ATP1B4: variants seen among roughly 807,000 people sequenced by gnomAD.
ATP1B4 encodes ATPase Na+/K+ transporting family member beta 4.
ATP1B4 carries 32 observed loss-of-function variants against 29.6 expected under a neutral mutation model. The observed-to-expected ratio is 1.08, with a 90% confidence interval of 0.82 to 1.45. The LOEUF is 1.45. Ranked by LOEUF, ATP1B4 falls within the 40% of genes most tolerant of loss-of-function variation. The pLI, the probability that ATP1B4 is intolerant of heterozygous loss-of-function variation, is 0.00. For missense variants in ATP1B4, 323 were observed against 276.2 expected (o/e 1.17, Z -1.20); for synonymous variants, 127 against 102.1 (o/e 1.24, Z -1.47).
At chrX:120,374,119 C>G (rs2058328058) in intron 4 of ATP1B4, among the ~76,000 whole-genome samples, 1 of 111,184 alleles carries the variant, frequency 9.0e-6, no homozygotes, top group Non-Finnish European at 1.9e-5. Context: ...CCACACCCAG[C>G]CAGCTGTGCG....
At chrX:120,374,766 A>ATACCCT (rs1556039756) in intron 4 of ATP1B4, among the ~76,000 whole-genome samples, 2 of 22,674 alleles carry the variant, frequency 8.8e-5, no homozygotes, top group Non-Finnish European at 1.2e-4. Context: ...TATATATTAT[A>ATACCCT]TATATATAAT....
At chrX:120,371,081 A>C in intron 3 of ATP1B4, 25 bp from the exon 4 acceptor site, 1 of 1,171,014 alleles carries the variant, frequency 8.5e-7, no homozygotes, top group Non-Finnish European at 1.2e-6. Context: ...GGGTTAATAT[A>C]TCCAAGACCT....
chrX:120,377,973 G>T (rs182413188), intron 6 of ATP1B4, among the ~76,000 whole-genome samples: 1 of 111,964 alleles, frequency 8.9e-6, no homozygotes, highest in African/African-American at 3.2e-5. Flanking sequence ...AGGGCAAGCC[G>T]AATGTATCAC....
chrX:120,366,681 C>A lies in ATP1B4; in HGVS notation c.220C>A (p.Gln74Lys). Reference sequence around the variant, plus strand: ...GGAGGAAAAGGAGGAGGAAGAGGGTCAAGGTCAGCCAACAGGCAATGCCTG... The same window carrying A: ...GGAGGAAAAGGAGGAGGAAGAGGGTAAAGGTCAGCCAACAGGCAATGCCTG... ...EEEEKEEEEG[Q>K]GQPTGNAWWQ... Residue 74 changes from glutamine (Q) to lysine (K), a missense_variant, in exon 2 of 8, where the codon CAA becomes AAA. Physicochemically the swap from Gln to Lys is moderately conservative, Grantham distance 53 (BLOSUM62 1). Transcript: ENST00000218008. 1 of 1,210,721 alleles carries A rather than the reference C, an allele frequency of 8.3e-7. No individual in the cohort carries two copies. Among genetic ancestry groups the A allele is most frequent in the Non-Finnish European group, 1.1e-6 (1 of 895,157 alleles).
chrX:120,363,162 T>C (rs1352530925), intron 1 of ATP1B4, among the ~76,000 whole-genome samples: 1 of 112,320 alleles, frequency 8.9e-6, no homozygotes, highest in Non-Finnish European at 1.9e-5. Context: ...AAGCCATTTT[T>C]CTTTGGGTAT....
chrX:120,364,071 G>A (rs1011619268), intron 1 of ATP1B4, among the ~76,000 whole-genome samples: 1 of 110,116 alleles, frequency 9.1e-6, no homozygotes, highest in Non-Finnish European at 1.9e-5. Flanking sequence ...AATTAGCCGT[G>A]AGAAGATTAA....
intron 4 of ATP1B4, 103 bp downstream of exon 4, chrX:120,371,313 C>T (rs2058312322): frequency 6.6e-6 from 4 of 604,920 alleles, no homozygotes; most frequent in Non-Finnish European, 1.1e-5. Context: ...TCTTACTAAC[C>T]CCAACTCATC....
rs376105273 is a variant in ATP1B4 at position 120,375,594 on chromosome X, G to T, written c.759+26G>T. The T allele has an allele frequency of 1.1e-4, 133 of 1,157,850 alleles. 1 individual carries two copies. The highest frequency in any genetic ancestry group is 1.4e-4 in the Non-Finnish European group (117 of 856,312). On this transcript the variant is annotated intron_variant, in intron 5 of 7. Coordinates refer to ENST00000218008, the MANE Select transcript of ATP1B4 (RefSeq NM_001142447.3). ...GTATATTGGCTTTTCATATCTGGTG[G>T]TGATAAGCGAATGAACTAGATAGGA... is the stretch of plus-strand genomic sequence containing the variant.
intron 2 of ATP1B4, among the ~76,000 whole-genome samples, chrX:120,367,995 G>C (rs1044354941): frequency 8.9e-6 from 1 of 111,845 alleles, no homozygotes; most frequent in Non-Finnish European, 1.9e-5. Context: ...GTGCACAGCT[G>C]TTTCTCCCTT....
At position 120,382,300 on chromosome X, in the gene ATP1B4, A is replaced by G. The variant is rs1293754886; in HGVS notation, c.*2666A>G. 2 of 112,059 alleles carry G rather than the reference A, an allele frequency of 1.8e-5. No individual in the cohort carries two copies. Among genetic ancestry groups the G allele is most frequent in the East Asian group, 5.5e-4 (2 of 3,615 alleles). 9.2% of individuals were successfully genotyped at this position (112,059 alleles called of 1,213,427 possible). On this transcript the variant is annotated 3_prime_UTR_variant, in exon 8 of 8. Transcript: ENST00000218008. ...CTTCTATAGTAGGTTAATGGAAAAT[A>G]CAAAAACAAACAAACATACAATGAA...
At chrX:120,378,606 C>G in intron 6 of ATP1B4, 72 bp from the exon 7 acceptor site, 7 of 890,672 alleles carry the variant, frequency 7.9e-6, no homozygotes, top group Non-Finnish European at 1.2e-5. Flanking sequence ...CACCTGGGTA[C>G]AACTCCCTTT....
At chrX:120,375,829 G>A (rs1178005231) in intron 5 of ATP1B4, among the ~76,000 whole-genome samples, 1 of 109,994 alleles carries the variant, frequency 9.1e-6, no homozygotes, top group Non-Finnish European at 1.9e-5. Flanking sequence ...CTAGTCAAGT[G>A]CAGTGGCTCG....
chrX:120,370,893 A>G (rs2058309895), intron 3 of ATP1B4, 50 bp downstream of exon 3: 1 of 1,179,366 alleles, frequency 8.5e-7, no homozygotes, highest in Admixed American at 2.3e-5. Context: ...GGACAGAAAT[A>G]TGCTTGCACA....
chrX:120,379,306 C>T (rs1326270146), intron 7 of ATP1B4, among the ~76,000 whole-genome samples, 167 bp from the exon 8 acceptor site: 3 of 111,907 alleles, frequency 2.7e-5, no homozygotes, highest in Non-Finnish European at 5.6e-5. Flanking sequence ...TTTTCCCACA[C>T]TTTCCCACTG....
chrX:120,378,614 T>G lies in ATP1B4; in HGVS notation c.817-64T>G, dbSNP rs2058367610. On this transcript the variant is annotated intron_variant, in intron 6 of 7. Coordinates refer to ENST00000218008, the MANE Select transcript of ATP1B4 (RefSeq NM_001142447.3). ...GTGATTTCACCTGGGTACAACTCCC[T>G]TTAGCTCAGACTCTAGCCCACTCTG... The G allele has an allele frequency of 3.1e-6, 3 of 957,218 alleles. No individual in the cohort carries two copies. The South Asian group carries it at 5.9e-5, about 19-fold the overall frequency. The allele number at this position is 957,218 out of a possible 1,213,427, so 78.9% of individuals were successfully genotyped here.
rs2147260103 is a variant in ATP1B4 at position 120,382,980 on chromosome X, C to T, written c.*3346C>T. ...AATAGTTCCCCATACCGTGCTGCAT[C>T]AGGATTTGATTTGTATGCCATCTGT... On this transcript the variant is annotated 3_prime_UTR_variant, in exon 8 of 8. Coordinates refer to ENST00000218008, the MANE Select transcript of ATP1B4 (RefSeq NM_001142447.3). 8.9e-6 allele frequency: 1 copy of T among 112,112 alleles called. No individual in the cohort carries two copies. The highest frequency in any genetic ancestry group is 1.9e-5 in the Non-Finnish European group (1 of 53,167). 9.2% of individuals were successfully genotyped at this position (112,112 alleles called of 1,213,427 possible). A position where few individuals can be genotyped will look rare whatever the true frequency, so the allele number is the denominator to read the frequency against.
Position 120,379,850 on chromosome X carries a change from T to A in ATP1B4, c.*216T>A. ...GTCTCCTGATGACAAACAGAGTATA[T>A]TAATTTCCTTTCCCTCCACTTAAAA... On this transcript the variant is annotated 3_prime_UTR_variant, in exon 8 of 8. Transcript: ENST00000218008. 1 of 326,960 alleles carries A rather than the reference T, an allele frequency of 3.1e-6. No individual in the cohort carries two copies. Among genetic ancestry groups the A allele is most frequent in the Non-Finnish European group, 5.2e-6 (1 of 192,241 alleles). 26.9% of individuals were successfully genotyped at this position (326,960 alleles called of 1,213,427 possible).
At chrX:120,371,051 A>C (rs2058310567) in intron 3 of ATP1B4, 55 bp from the exon 4 acceptor site, 1 of 1,103,858 alleles carries the variant, frequency 9.1e-7, no homozygotes, top group African/African-American at 1.8e-5. Flanking sequence ...GAATCAATAC[A>C]AAAAAATTAT....
At chrX:120,362,623 C>T (rs755496177) in intron 1 of ATP1B4, among the ~76,000 whole-genome samples, 3 of 111,967 alleles carry the variant, frequency 2.7e-5, no homozygotes, top group African/African-American at 9.7e-5. Context: ...GCACTGCCTA[C>T]CCAGCTGTCT....
Sources: allele counts gnomAD v4.1 joint callset (sites outside exome capture counted in the v4.1 genomes callset), GRCh38; gene constraint gnomAD v4.1.1; transcripts MANE v1.5; gene names NCBI Gene and HGNC (gene_info 2026-07-23, HGNC 2026-07-21).